The following ZNF85 variants were observed in gnomAD, a reference collection of about 807,000 sequenced individuals.
ZNF85 encodes zinc finger protein 85 (HPF4, HTF1).
A neutral mutation model predicts 53.9 loss-of-function variants in ZNF85; 50 were observed. That is an observed-to-expected ratio of 0.93 (90% CI 0.74 to 1.17). ZNF85 has a LOEUF of 1.17. Ranked by LOEUF, ZNF85 falls within the 50% of genes most tolerant of loss-of-function variation. ZNF85 has a pLI of 0.00. For synonymous variants in ZNF85, 225 were observed against 226.1 expected (o/e 1.00, Z 0.04); for missense variants, 747 against 688.5 (o/e 1.08, Z -0.95).
At chr19:20,923,472 G>A (rs1032764457) in intron 1 of ZNF85, 69 bp downstream of exon 1, 1 of 1,610,702 alleles carries the variant, frequency 6.2e-7, no homozygotes. Context: ...AGCGGCTGTG[G>A]CGGGACTCAG....
intron 3 of ZNF85, among the ~76,000 whole-genome samples, chr19:20,942,228 A>G (rs1331157074): frequency 6.6e-6 from 1 of 151,082 alleles, no homozygotes; most frequent in Non-Finnish European, 1.5e-5. Context: ...GTGCAATGGC[A>G]TAATCTCGGC....
At position 20,923,303 on chromosome 19, in the gene ZNF85, T is replaced by C; in HGVS notation, c.-98T>C. Reference sequence around the variant, plus strand: ...TCTAGGTCTTGTTTTCCCTGCTTTGTGTTTTCTGCTCGTGGACGCCCAGCC... The same window carrying C: ...TCTAGGTCTTGTTTTCCCTGCTTTGCGTTTTCTGCTCGTGGACGCCCAGCC... On this transcript the variant is annotated 5_prime_UTR_variant, in exon 1 of 4. Coordinates refer to ENST00000328178, the MANE Select transcript of ZNF85 (RefSeq NM_003429.5). 1 of 1,585,722 alleles carries C rather than the reference T, an allele frequency of 6.3e-7. No individual in the cohort carries two copies. Among genetic ancestry groups the C allele is most frequent in the South Asian group, 1.1e-5 (1 of 90,262 alleles).
chr19:20,941,842 G>A (rs942382836), intron 3 of ZNF85, among the ~76,000 whole-genome samples: 4 of 151,988 alleles, frequency 2.6e-5, no homozygotes, highest in South Asian at 2.1e-4. Flanking sequence ...TTGCTCATGC[G>A]TTTAATGTCG....
chr19:20,942,874 C>T (rs1183825623), intron 3 of ZNF85: 40 of 694,258 alleles, frequency 5.8e-5, no homozygotes, highest in Non-Finnish European at 1.0e-4. Flanking sequence ...CTTCTGGGGT[C>T]AAGTGATTGT....
intron 3 of ZNF85, among the ~76,000 whole-genome samples, chr19:20,937,989 A>G (rs1258640582): frequency 6.6e-6 from 1 of 152,180 alleles, no homozygotes; most frequent in Non-Finnish European, 1.5e-5. Context: ...GGGCTTTAGC[A>G]GTTTCACAAG....
chr19:20,940,696 C>T (rs1346515681), intron 3 of ZNF85, among the ~76,000 whole-genome samples: 1 of 152,152 alleles, frequency 6.6e-6, no homozygotes, highest in East Asian at 1.9e-4. Flanking sequence ...AACACCCTTC[C>T]ACTTTCTGTT....
chr19:20,926,076 C>T (rs1972873311), intron 1 of ZNF85, among the ~76,000 whole-genome samples: 1 of 151,978 alleles, frequency 6.6e-6, no homozygotes, highest in Admixed American at 6.6e-5. Context: ...CAAGGCTTAG[C>T]TTTTAGAATG....
chr19:20,938,848 ATATG>A (rs1973221264), intron 3 of ZNF85, among the ~76,000 whole-genome samples: 1 of 137,696 alleles, frequency 7.3e-6, no homozygotes, highest in Non-Finnish European at 1.6e-5. Context: ...ATATTCTGCT[ATATG>A]TGTGTGTGTG....
Position 20,930,368 on chromosome 19 carries a change from TACAA to T in ZNF85, c.4-3652_4-3649del, listed in dbSNP as rs563205342. Among the ~76,000 whole-genome samples, 639 of 150,404 alleles carry T rather than the reference TACAA, an allele frequency of 4.2e-3. 4 individuals carry two copies. The highest frequency in any genetic ancestry group is 0.015 in the African/African-American group (599 of 40,992). On this transcript the variant is annotated intron_variant, in intron 1 of 3. Transcript: ENST00000328178. ...GCTCTGCAAGTCACATAAAATTAAA[TACAA>T]ACACAGTAAAAAACTTCTCTAAAAT...
intron 1 of ZNF85, among the ~76,000 whole-genome samples, chr19:20,924,469 A>G (rs1296566959): frequency 1.3e-5 from 2 of 152,166 alleles, no homozygotes; most frequent in Non-Finnish European, 2.9e-5. Context: ...ATTGCCTGCC[A>G]CTGAATCATT....
At chr19:20,926,134 G>C (rs1972874938) in intron 1 of ZNF85, among the ~76,000 whole-genome samples, 1 of 152,094 alleles carries the variant, frequency 6.6e-6, no homozygotes, top group African/African-American at 2.4e-5. Context: ...TTTGGCTGTA[G>C]AAAATAAATA....
At position 20,949,921 on chromosome 19, in the gene ZNF85, T is replaced by TA; in HGVS notation, c.1408dup (p.Thr470AsnfsTer2). ...AAGCTTTTAACCAGTCCTCAAATCT[T>TA]ACTAGACATAAGAAAAGTCATACAG... On this transcript the variant is annotated frameshift_variant, in exon 4 of 4. Transcript: ENST00000328178. LOFTEE classifies it high-confidence loss of function. 1.9e-6 allele frequency: 3 copies of TA among 1,612,288 alleles called. No individual in the cohort carries two copies. The highest frequency in any genetic ancestry group is 2.5e-6 in the Non-Finnish European group (3 of 1,179,110).
At chr19:20,948,521 C>G (rs559969246) in intron 3 of ZNF85, among the ~76,000 whole-genome samples, 1 of 152,146 alleles carries the variant, frequency 6.6e-6, no homozygotes, top group Admixed American at 6.5e-5. Flanking sequence ...TTATGCTCAC[C>G]TGGGGCACTG....
chr19:20,935,747 T>C (rs1568549231), intron 3 of ZNF85, among the ~76,000 whole-genome samples: 2 of 151,790 alleles, frequency 1.3e-5, no homozygotes. Context: ...TCAGGGTTTC[T>C]CAATGTTGGT....
At chr19:20,942,162 A>T (rs1240963815) in intron 3 of ZNF85, among the ~76,000 whole-genome samples, 1 of 150,170 alleles carries the variant, frequency 6.7e-6, no homozygotes, top group Non-Finnish European at 1.5e-5. Context: ...TTATATTATT[A>T]TTATTAATTT....
At chr19:20,938,868 GTGTGTGTGTA>G (rs1332668093) in intron 3 of ZNF85, among the ~76,000 whole-genome samples, 1 of 133,982 alleles carries the variant, frequency 7.5e-6, no homozygotes, top group Non-Finnish European at 1.7e-5. Flanking sequence ...GTGTGTGTGT[GTGTGTGTGTA>G]TATATATGTG....
chr19:20,937,008 T>G (rs977241371), intron 3 of ZNF85: 4 of 182,942 alleles, frequency 2.2e-5, no homozygotes, highest in African/African-American at 7.6e-5. Context: ...GTTTTTGGGG[T>G]TTTTTTGTTT....
chr19:20,927,507 T>G (rs1399889151), intron 1 of ZNF85: 1 of 151,364 alleles, frequency 6.6e-6, no homozygotes, highest in Non-Finnish European at 1.5e-5. Context: ...CTCATTTTTT[T>G]AATGAGAAAA....
intron 3 of ZNF85, chr19:20,946,424 G>C (rs11085409): frequency 0.12 from 42,813 of 345,036 alleles, 2,868 homozygotes; most frequent in Non-Finnish European, 0.14. Flanking sequence ...GTTACCTGTT[G>C]CCTTCTAATA....
Sources: allele counts gnomAD v4.1 joint callset (sites outside exome capture counted in the v4.1 genomes callset), GRCh38; gene constraint gnomAD v4.1.1; transcripts MANE v1.5; gene names NCBI Gene and HGNC (gene_info 2026-07-23, HGNC 2026-07-21).